UBN2: variants seen among roughly 807,000 people sequenced by gnomAD.
UBN2 encodes ubinuclein 2.
In UBN2, 35 loss-of-function variants were observed where a neutral mutation model predicts 120.2. The ratio of observed to expected loss-of-function variants is 0.29; its 90% CI spans 0.22 to 0.39. The LOEUF (loss-of-function observed/expected upper bound fraction) is 0.39. Among genes scored for constraint, UBN2 ranks in the 10% least tolerant of loss-of-function variants. The pLI, the probability that UBN2 is intolerant of heterozygous loss-of-function variation, is 1.00. For missense variants in UBN2, 1,693 were observed against 1,663.2 expected (o/e 1.02, Z -0.31); for synonymous variants, 661 against 648.7 (o/e 1.02, Z -0.29).
chr7:139,238,110 T>C (rs1796214699), intron 2 of UBN2, among the ~76,000 whole-genome samples: 1 of 152,182 alleles, frequency 6.6e-6, no homozygotes, highest in Non-Finnish European at 1.5e-5. Context: ...TGAGTACTCT[T>C]GGCACTTTAC....
chr7:139,278,721 GA>G (rs1343213599), intron 12 of UBN2, among the ~76,000 whole-genome samples: 1 of 152,042 alleles, frequency 6.6e-6, no homozygotes, highest in Non-Finnish European at 1.5e-5. Flanking sequence ...TTAGCCAAGT[GA>G]AATAGGCAAG....
chr7:139,321,495 T>C, the UBN2 span, among the ~76,000 whole-genome samples: 2 of 152,206 alleles, frequency 1.3e-5, no homozygotes, highest in Non-Finnish European at 2.9e-5. Flanking sequence ...GTTTGCACTC[T>C]CAGAGTTCCT....
rs1443345118 is a variant in UBN2, at chr7:139,303,579, A to G, written c.*5743A>G. 1 of 152,200 alleles carries G rather than the reference A, an allele frequency of 6.6e-6. No individual in the cohort carries two copies. The highest frequency in any genetic ancestry group is 2.4e-5 in the African/African-American group (1 of 41,450). The allele number at this position is 152,200 out of a possible 1,614,324, so 9.4% of individuals were successfully genotyped here. On this transcript the variant is annotated 3_prime_UTR_variant, in exon 18 of 18. Transcript: ENST00000473989. Reference sequence around the variant, plus strand: ...CGTGCCTCAGATTACCCATTAGACAATTGGGTATAATCATATTCACCTACC... The same window carrying G: ...CGTGCCTCAGATTACCCATTAGACAGTTGGGTATAATCATATTCACCTACC...
intron 11 of UBN2, among the ~76,000 whole-genome samples, chr7:139,274,411 A>G (rs890237861): frequency 2.0e-5 from 3 of 152,146 alleles, no homozygotes; most frequent in Admixed American, 6.5e-5. Flanking sequence ...AAGATGAGGA[A>G]CCTAATATGG....
rs780342979 is a variant in UBN2, at chr7:139,261,442, G to A, written c.1096G>A (p.Gly366Arg). ...ACCCCCATGTGCTGCTGCAGCACTGGGGAATGACGTCCCGGACTTAAATCT... is the reference window on the plus strand; with the variant it reads ...ACCCCCATGTGCTGCTGCAGCACTGAGGAATGACGTCCCGGACTTAAATCT... ...NKPPCAAAAL[G>R]NDVPDLNLSS... The change falls in exon 6 of 18, where the codon GGG becomes AGG. Residue 366 changes from glycine (G) to arginine (R), a missense_variant. Gly to Arg is a moderately radical substitution (Grantham distance 125, BLOSUM62 -2). Around this residue, in one of 5 missense-constraint regions of UBN2, gnomAD observed 663 missense variants for 591.2 expected, o/e 1.12. Transcript: ENST00000473989. 11 of 1,614,078 alleles carry A rather than the reference G, an allele frequency of 6.8e-6. No homozygotes were observed. The highest frequency in any genetic ancestry group is 1.6e-4 in the Middle Eastern group (1 of 6,084).
Position 139,284,435 on chromosome 7 carries a change from A to G in UBN2, c.3530A>G (p.Asn1177Ser), listed in dbSNP as rs1457483563. 1.2e-6 allele frequency: 2 copies of G among 1,614,210 alleles called. No individual in the cohort carries two copies. Among genetic ancestry groups the G allele is most frequent in the South Asian group, 1.1e-5 (1 of 91,088 alleles). Residue 1177 changes from asparagine to serine, a missense_variant, in exon 15 of 18, where the codon AAC (asparagine) becomes AGC (serine). By Grantham distance (46) the Asn-to-Ser change is conservative. This residue lies in a region of UBN2 where 837 missense variants were observed against 817.6 expected (regional missense o/e 1.02). Coordinates refer to ENST00000473989, the MANE Select transcript of UBN2 (RefSeq NM_173569.4). ...AMNVPASRGSNLNSSGANRTS... is the reference protein window; with the variant it reads ...AMNVPASRGSSLNSSGANRTS... ...AATGTACCTGCCAGCAGAGGTAGCA[A>G]CCTTAACTCAAGCGGAGCTAATAGG...
chr7:139,283,496 A>T lies in UBN2; in HGVS notation c.2591A>T (p.Asn864Ile). Reference protein sequence around the residue: ...SGLIAGSSIQNPKVSLEPLPA... With the variant: ...SGLIAGSSIQIPKVSLEPLPA... ...CTTATTGCTGGTTCTTCCATTCAGA[A>T]CCCTAAAGTTTCTTTAGAACCTTTG... The change falls in exon 15 of 18, where the codon AAC becomes ATC. Residue 864 changes from asparagine to isoleucine, a missense_variant. This residue lies in a region of UBN2 where 837 missense variants were observed against 817.6 expected (regional missense o/e 1.02). Coordinates refer to ENST00000473989, the MANE Select transcript of UBN2 (RefSeq NM_173569.4). 5 of 1,614,058 alleles carry T rather than the reference A, an allele frequency of 3.1e-6. No homozygotes were observed. The highest frequency in any genetic ancestry group is 4.2e-6 in the Non-Finnish European group (5 of 1,180,026).
chr7:139,269,843 G>T (rs897043033), intron 8 of UBN2, among the ~76,000 whole-genome samples: 1 of 150,962 alleles, frequency 6.6e-6, no homozygotes, highest in African/African-American at 2.4e-5. Flanking sequence ...GTCTTGCCCC[G>T]TTGCCCAGGC....
chr7:139,243,547 G>A (rs1004930342), intron 2 of UBN2, among the ~76,000 whole-genome samples: 1 of 152,144 alleles, frequency 6.6e-6, no homozygotes, highest in Non-Finnish European at 1.5e-5. Flanking sequence ...TAATTTATAT[G>A]TACCTTTCTG....
intron 1 of UBN2, 60 bp from the exon 2 acceptor site, chr7:139,236,942 CAAT>C (rs1796179308): frequency 7.7e-6 from 8 of 1,039,772 alleles, no homozygotes; most frequent in African/African-American, 1.6e-5. Context: ...AATAAACAAA[CAAT>C]AATAATATTT....
At chr7:139,325,261 CTTTT>C in the UBN2 span, among the ~76,000 whole-genome samples, 340 of 90,828 alleles carry the variant, frequency 3.7e-3, 1 homozygote, top group African/African-American at 9.4e-3. Context: ...GAAATCACTG[CTTTT>C]TTTTTTTTTT....
intron 8 of UBN2, among the ~76,000 whole-genome samples, chr7:139,271,814 C>T (rs762289100): frequency 5.9e-5 from 9 of 152,072 alleles, no homozygotes; most frequent in Non-Finnish European, 1.3e-4. Context: ...TGGCCTTGAC[C>T]TTGCATTTTT....
chr7:139,277,913 C>T (rs941062008), intron 12 of UBN2, among the ~76,000 whole-genome samples: 13 of 152,160 alleles, frequency 8.5e-5, no homozygotes, highest in African/African-American at 3.1e-4. Flanking sequence ...AAGAGATTAA[C>T]AACAATAATA....
chr7:139,255,960 AT>A (rs1236011756), intron 3 of UBN2, among the ~76,000 whole-genome samples: 44 of 152,318 alleles, frequency 2.9e-4, no homozygotes, highest in Non-Finnish European at 5.7e-4. Flanking sequence ...GTGAAGTAAT[AT>A]TGTCCCTGTT....
rs1183432491 is a variant in UBN2, at chr7:139,307,858, G to A, written c.*10022G>A. The A allele has an allele frequency of 6.6e-6, 1 of 151,258 alleles. No individual in the cohort carries two copies. The highest frequency in any genetic ancestry group is 1.5e-5 in the Non-Finnish European group (1 of 67,840). 9.4% of individuals were successfully genotyped at this position (151,258 alleles called of 1,614,324 possible). A position where few individuals can be genotyped will look rare whatever the true frequency, so the allele number is the denominator to read the frequency against. ...GAAAGCTCTTATCACTCCTTCCTAA[G>A]AAAAAAGAAGGGCAGGTAAATTTTT... On this transcript the variant is annotated 3_prime_UTR_variant, in exon 18 of 18. Coordinates refer to ENST00000473989, the MANE Select transcript of UBN2 (RefSeq NM_173569.4).
In UBN2 at chr7:139,301,403, C is replaced by T. The variant is rs183692097; in HGVS notation, c.*3567C>T. On this transcript the variant is annotated 3_prime_UTR_variant, in exon 18 of 18. Transcript: ENST00000473989. The stretch of plus-strand genomic sequence containing the variant: ...ACTTGGTTCAAGACATTTTCTGAAA[C>T]GAAAATTCTGCTGTTGTTCAAACTG... The T allele has an allele frequency of 3.3e-5, 5 of 152,256 alleles. No homozygotes were observed. In the East Asian group the frequency reaches 9.6e-4, roughly 29 times the overall value. The allele number at this position is 152,256 out of a possible 1,614,324, so 9.4% of individuals were successfully genotyped here.
chr7:139,297,848 G>T lies in UBN2; in HGVS notation c.*12G>T. On this transcript the variant is annotated 3_prime_UTR_variant, in exon 18 of 18. Transcript: ENST00000473989. ...GGAAATCTCAGTGACTGCCCAGCAA[G>T]CAAAGGAGACGAAATGTTTAGTTGA... 4.3e-6 allele frequency: 7 copies of T among 1,614,044 alleles called. No individual in the cohort carries two copies. Among genetic ancestry groups the T allele is most frequent in the Non-Finnish European group, 5.9e-6 (7 of 1,179,942 alleles).
chr7:139,327,097 G>A, the UBN2 span, among the ~76,000 whole-genome samples: 3 of 152,118 alleles, frequency 2.0e-5, no homozygotes, highest in South Asian at 4.1e-4. Flanking sequence ...GCAATGGCGC[G>A]ATCTCAGCTC....
At chr7:139,250,253 G>A (rs920627915) in intron 2 of UBN2, among the ~76,000 whole-genome samples, 4 of 151,846 alleles carry the variant, frequency 2.6e-5, no homozygotes, top group Admixed American at 2.6e-4. Flanking sequence ...TTCTTTTGGA[G>A]ACAGAGTCTC....
Sources: gnomAD v4.1 joint callset for allele counts (sites outside exome capture counted in the v4.1 genomes callset) on GRCh38, gnomAD v4.1.1 for gene constraint, gnomAD v4.1.1 regional missense constraint, MANE v1.5 for transcripts, NCBI Gene and HGNC (gene_info 2026-07-23, HGNC 2026-07-21) for gene names.